The following SNX13 variants were observed in gnomAD, a reference collection of about 807,000 sequenced individuals.
The protein encoded by SNX13 is sorting nexin 13.
Under a neutral mutation model 133.6 loss-of-function variants are expected in SNX13, and 45 were observed. The observed-to-expected ratio is 0.34, with a 90% CI of 0.27 to 0.43. The LOEUF is 0.43. Among genes scored for constraint, SNX13 ranks in the 20% least tolerant of loss-of-function variants. The pLI is 1.00. For missense variants in SNX13, 1,032 were observed against 1,145.1 expected (o/e 0.90, Z 1.43); for synonymous variants, 414 against 373.9 (o/e 1.11, Z -1.24).
intron 13 of SNX13, among the ~76,000 whole-genome samples, chr7:17,836,500 C>T (rs546464222): frequency 5.9e-5 from 9 of 152,068 alleles, no homozygotes; most frequent in Non-Finnish European, 8.8e-5. Context: ...AGTGAGACTC[C>T]GTCTCAAAAA....
Position 17,875,689 on chromosome 7 carries a change from T to G in SNX13, c.542A>C (p.Glu181Ala), listed in dbSNP as rs1316965041. The part of the protein sequence containing the change: ...VFRKAQQKIT[E>A]KDDQVKGTAE... ...ATTACCTTTCACTTGATCATCTTTC[T>G]CTGTTATTTTCTGTTGAGCCTTTCT... The change falls in exon 6 of 26, where the codon GAG becomes GCG. Residue 181 changes from glutamate to alanine, a missense_variant. Transcript: ENST00000428135. 11 of 1,610,064 alleles carry G rather than the reference T, an allele frequency of 6.8e-6. No homozygotes were observed. The highest frequency in any genetic ancestry group is 9.3e-6 in the Non-Finnish European group (11 of 1,177,636).
intron 1 of SNX13, among the ~76,000 whole-genome samples, chr7:17,931,641 G>A (rs73069242): frequency 0.062 from 9,496 of 152,270 alleles, 334 homozygotes; most frequent in Non-Finnish European, 0.082. Flanking sequence ...ACAATGCACA[G>A]CTAAGGTCAA....
chr7:17,805,250 T>TGTGTGTGTGCGCGC lies in SNX13; in HGVS notation c.2065-1671_2065-1670insGCGCGCACACACAC. 3.4e-3 allele frequency among the ~76,000 whole-genome samples: 322 copies of TGTGTGTGTGCGCGC among 95,550 alleles called. 4 individuals carry two copies. Among genetic ancestry groups the TGTGTGTGTGCGCGC allele is most frequent in the African/African-American group, 6.9e-3 (220 of 31,842 alleles). 62.7% of individuals were successfully genotyped at this position (95,550 alleles called of 152,430 possible). The stretch of plus-strand genomic sequence containing the variant: ...GTGTGTGTGTGTGTGTGTGTGTGTG[T>TGTGTGTGTGCGCGC]GCGTGCGCGCGCGCGCATGCATGCA... On this transcript the variant is annotated intron_variant, in intron 20 of 25. Coordinates refer to ENST00000428135, the MANE Select transcript of SNX13 (RefSeq NM_015132.5).
chr7:17,838,830 G>A (rs1463588198), intron 13 of SNX13, among the ~76,000 whole-genome samples: 2 of 151,666 alleles, frequency 1.3e-5, no homozygotes, highest in Non-Finnish European at 2.9e-5. Context: ...ACTTTTAAAT[G>A]GAGACGGCTT....
At chr7:17,830,340 T>G in intron 15 of SNX13, 2 of 984,320 alleles carry the variant, frequency 2.0e-6, no homozygotes, top group Non-Finnish European at 1.2e-6. Flanking sequence ...ATTCTCATGG[T>G]ATCAAGTAAG....
intron 9 of SNX13, among the ~76,000 whole-genome samples, chr7:17,864,738 TAA>T (rs1220296359): frequency 7.2e-6 from 1 of 138,712 alleles, no homozygotes; most frequent in Non-Finnish European, 1.6e-5. Flanking sequence ...CAAGGATAAA[TAA>T]AGAGTCCTAA....
chr7:17,792,382 C>G lies in SNX13; in HGVS notation c.*1663G>C, dbSNP rs1783633967. On this transcript the variant is annotated 3_prime_UTR_variant, in exon 26 of 26. Coordinates refer to ENST00000428135, the MANE Select transcript of SNX13 (RefSeq NM_015132.5). ...GAAAGGGATTTCATTTTATGTAATT[C>G]TGAAGACATGCAACATATGCTGAAT... The G allele has an allele frequency of 6.6e-6, 1 of 152,142 alleles. No homozygotes were observed. The highest frequency in any genetic ancestry group is 2.4e-5 in the African/African-American group (1 of 41,412). 9.4% of individuals were successfully genotyped at this position (152,142 alleles called of 1,614,324 possible). A position where few individuals can be genotyped will look rare whatever the true frequency, so the allele number is the denominator to read the frequency against.
At chr7:17,818,176 A>C (rs1413938353) in intron 18 of SNX13, among the ~76,000 whole-genome samples, 1 of 152,146 alleles carries the variant, frequency 6.6e-6, no homozygotes, top group Non-Finnish European at 1.5e-5. Context: ...CAATACCTTG[A>C]TCTTTGATTT....
chr7:17,927,796 A>C (rs959575108), intron 1 of SNX13, among the ~76,000 whole-genome samples: 4 of 152,216 alleles, frequency 2.6e-5, no homozygotes, highest in Non-Finnish European at 5.9e-5. Context: ...ACTAAAAATA[A>C]GCTCAGTTAC....
Position 17,793,114 on chromosome 7 carries a change from G to T in SNX13, c.*931C>A, listed in dbSNP as rs1472221120. The T allele has an allele frequency of 6.6e-6, 1 of 152,004 alleles. No individual in the cohort carries two copies. Among genetic ancestry groups the T allele is most frequent in the African/African-American group, 2.4e-5 (1 of 41,302 alleles). The allele number at this position is 152,004 out of a possible 1,614,324, so 9.4% of individuals were successfully genotyped here. A position where few individuals can be genotyped will look rare whatever the true frequency, so the allele number is the denominator to read the frequency against. On this transcript the variant is annotated 3_prime_UTR_variant, in exon 26 of 26. Coordinates refer to ENST00000428135, the MANE Select transcript of SNX13 (RefSeq NM_015132.5). Reference sequence around the variant, plus strand: ...TCTGCAGTTACCTAAGGCATGTCTAGATCACACAATTAAAAATTATCATAT... The same window carrying T: ...TCTGCAGTTACCTAAGGCATGTCTATATCACACAATTAAAAATTATCATAT...
intron 8 of SNX13, among the ~76,000 whole-genome samples, chr7:17,871,250 C>T (rs1794085321): frequency 6.6e-6 from 1 of 152,126 alleles, no homozygotes; most frequent in African/African-American, 2.4e-5. Flanking sequence ...CGTGATCCGC[C>T]CACCTTGGCC....
chr7:17,804,638 T>C (rs1784985584), intron 20 of SNX13, among the ~76,000 whole-genome samples: 1 of 150,562 alleles, frequency 6.6e-6, no homozygotes, highest in Admixed American at 6.6e-5. Flanking sequence ...GAAACCAAAC[T>C]AGAGATGCAG....
intron 20 of SNX13, among the ~76,000 whole-genome samples, chr7:17,803,950 G>A (rs1784908646): frequency 6.6e-6 from 1 of 151,592 alleles, no homozygotes; most frequent in African/African-American, 2.4e-5. Flanking sequence ...CTAGCTACTG[G>A]GGAAGGTGAG....
intron 24 of SNX13, among the ~76,000 whole-genome samples, chr7:17,798,445 T>TA (rs1784285138): frequency 6.6e-6 from 1 of 151,946 alleles, no homozygotes; most frequent in African/African-American, 2.4e-5. Context: ...GGTACTGTGA[T>TA]AAAATGTAGC....
At chr7:17,821,815 T>C (rs929323996) in intron 17 of SNX13, 167 bp from the exon 18 acceptor site, 3 of 690,326 alleles carry the variant, frequency 4.3e-6, no homozygotes, top group Non-Finnish European at 4.6e-6. Flanking sequence ...CAGCAAAGGA[T>C]AGATTCCCAT....
intron 1 of SNX13, among the ~76,000 whole-genome samples, chr7:17,930,594 C>T (rs1050437969): frequency 5.9e-5 from 9 of 152,158 alleles, no homozygotes; most frequent in Admixed American, 5.2e-4. Flanking sequence ...TCATAAAATA[C>T]TCTCAAGTCT....
At chr7:17,912,370 A>T (rs1005684899) in intron 1 of SNX13, among the ~76,000 whole-genome samples, 2 of 152,216 alleles carry the variant, frequency 1.3e-5, no homozygotes, top group Admixed American at 1.3e-4. Flanking sequence ...AGACACCAGG[A>T]AAAGCTGCAG....
At chr7:17,801,011 TATATATATATATATATATATATATA>T (rs1784557618) in intron 22 of SNX13, among the ~76,000 whole-genome samples, 3 of 13,274 alleles carry the variant, frequency 2.3e-4, no homozygotes, top group African/African-American at 3.3e-4. Context: ...AAACTGAACA[TATATATATATATATATATATATATA>T]TATATATATA....
At chr7:17,935,437 A>C (rs1372725118) in intron 1 of SNX13, among the ~76,000 whole-genome samples, 2 of 152,216 alleles carry the variant, frequency 1.3e-5, no homozygotes, top group African/African-American at 4.8e-5. Flanking sequence ...TTTTTAGATC[A>C]ATTAAACAAC....
Sources: allele counts gnomAD v4.1 joint callset (sites outside exome capture counted in the v4.1 genomes callset), GRCh38; gene constraint gnomAD v4.1.1; transcripts MANE v1.5; gene names NCBI Gene and HGNC (gene_info 2026-07-23, HGNC 2026-07-21).